The following ADCY2 variants were observed in gnomAD, a reference collection of about 807,000 sequenced individuals.
ADCY2 encodes adenylate cyclase type 2.
ADCY2 carries 31 observed loss-of-function variants against 125.2 expected under a neutral mutation model. That is an observed-to-expected ratio of 0.25 (90% CI 0.19 to 0.33). The LOEUF (loss-of-function observed/expected upper bound fraction) is 0.33. ADCY2 is among the 10% of genes least tolerant of loss of function. ADCY2 has a pLI of 1.00. For missense variants in ADCY2, 904 were observed against 1,418.2 expected (o/e 0.64, Z 5.82); for synonymous variants, 512 against 548.4 (o/e 0.93, Z 0.93).
intron 3 of ADCY2, among the ~76,000 whole-genome samples, chr5:7,588,725 GA>G (rs1736711828): frequency 6.6e-6 from 1 of 152,138 alleles, no homozygotes; most frequent in Non-Finnish European, 1.5e-5. Context: ...CATGTGTCAC[GA>G]AACATTATGT....
intron 2 of ADCY2, among the ~76,000 whole-genome samples, chr5:7,499,648 G>GATATATAT (rs70940741): frequency 0.024 from 2,815 of 118,010 alleles, 42 homozygotes; most frequent in Non-Finnish European, 0.029. Flanking sequence ...TATGTGGGTG[G>GATATATAT]ATATATATAT....
chr5:7,822,806 G>GTTA (rs1181953851), intron 24 of ADCY2, among the ~76,000 whole-genome samples: 6 of 152,064 alleles, frequency 3.9e-5, no homozygotes, highest in African/African-American at 1.4e-4. Context: ...TTTCACCCCC[G>GTTA]TTATGTTACA....
At chr5:7,438,312 A>G (rs1024037973) in intron 2 of ADCY2, among the ~76,000 whole-genome samples, 3 of 152,236 alleles carry the variant, frequency 2.0e-5, no homozygotes, top group African/African-American at 7.2e-5. Flanking sequence ...TAGAGCAGGA[A>G]ACAGAAGGAA....
intron 16 of ADCY2, among the ~76,000 whole-genome samples, chr5:7,759,275 A>C (rs1016180881): frequency 6.6e-6 from 1 of 152,194 alleles, no homozygotes; most frequent in Non-Finnish European, 1.5e-5. Context: ...AAGAAAGAAC[A>C]TGAGGCCAGC....
chr5:7,680,872 AAGG>A (rs1427388944), intron 4 of ADCY2, among the ~76,000 whole-genome samples: 1 of 152,210 alleles, frequency 6.6e-6, no homozygotes, highest in African/African-American at 2.4e-5. Context: ...TGAAGCTTAG[AAGG>A]AGGAGTCCCT....
chr5:7,826,914 G>C lies in ADCY2; in HGVS notation c.*43G>C. 1 of 1,566,004 alleles carries C rather than the reference G, an allele frequency of 6.4e-7. No homozygotes were observed. The highest frequency in any genetic ancestry group is 8.6e-7 in the Non-Finnish European group (1 of 1,158,752). On this transcript the variant is annotated 3_prime_UTR_variant, in exon 25 of 25. Transcript: ENST00000338316. ...GGCAAGAAGACTGTATTTTCAGGAA[G>C]GTATCACACACTTTCTGACTGCAAC...
At chr5:7,486,862 G>T (rs1000879577) in intron 2 of ADCY2, among the ~76,000 whole-genome samples, 3 of 152,186 alleles carry the variant, frequency 2.0e-5, no homozygotes, top group Non-Finnish European at 4.4e-5. Flanking sequence ...CAGGTCCAAG[G>T]TAGGCAAGTC....
At chr5:7,803,910 A>G (rs1167471955) in intron 21 of ADCY2, among the ~76,000 whole-genome samples, 1 of 148,880 alleles carries the variant, frequency 6.7e-6, no homozygotes, top group Non-Finnish European at 1.5e-5. Context: ...GAATATATAT[A>G]TATATATTTT....
chr5:7,551,489 G>A (rs1425513102), intron 3 of ADCY2, among the ~76,000 whole-genome samples: 4 of 152,048 alleles, frequency 2.6e-5, no homozygotes, highest in East Asian at 3.9e-4. Context: ...GTAGACACAG[G>A]CTTCCATATA....
intron 2 of ADCY2, among the ~76,000 whole-genome samples, chr5:7,481,288 A>G (rs1249837815): frequency 6.6e-6 from 1 of 152,060 alleles, no homozygotes; most frequent in Non-Finnish European, 1.5e-5. Context: ...TTCTTTTGGG[A>G]CAGAGTCTCC....
chr5:7,827,019 C>A lies in ADCY2; in HGVS notation c.*148C>A. On this transcript the variant is annotated 3_prime_UTR_variant, in exon 25 of 25. Coordinates refer to ENST00000338316, the MANE Select transcript of ADCY2 (RefSeq NM_020546.3). ...CTCGTTCTCGTGACCCAGTGGCATA[C>A]CGTTTGGTGTCTGATGTGTGCCCAG... The A allele has an allele frequency of 1.0e-6, 1 of 955,666 alleles. No individual in the cohort carries two copies. Among genetic ancestry groups the A allele is most frequent in the Non-Finnish European group, 1.5e-6 (1 of 658,280 alleles). 59.2% of individuals were successfully genotyped at this position (955,666 alleles called of 1,614,324 possible).
chr5:7,808,277 G>T (rs1744819107), intron 22 of ADCY2, among the ~76,000 whole-genome samples: 1 of 152,152 alleles, frequency 6.6e-6, no homozygotes, highest in South Asian at 2.1e-4. Flanking sequence ...ACTATAACAG[G>T]TGCTATGTGT....
At position 7,424,441 on chromosome 5, in the gene ADCY2, A is replaced by G. The variant is rs529379643; in HGVS notation, c.408+9671A>G. On this transcript the variant is annotated intron_variant, in intron 2 of 24. Coordinates refer to ENST00000338316, the MANE Select transcript of ADCY2 (RefSeq NM_020546.3). ...CAGAATTTGGACTTGGCATTCTGCCACCATCACATGGAATGTCCAGATGCC... is the reference window on the plus strand; with the variant it reads ...CAGAATTTGGACTTGGCATTCTGCCGCCATCACATGGAATGTCCAGATGCC... Among the ~76,000 whole-genome samples, 121 of 152,396 alleles carry G rather than the reference A, an allele frequency of 7.9e-4. 1 individual carries two copies. The South Asian group carries it at 0.019, about 25-fold the overall frequency.
At chr5:7,415,824 G>C (rs924693576) in intron 2 of ADCY2, among the ~76,000 whole-genome samples, 1 of 152,138 alleles carries the variant, frequency 6.6e-6, no homozygotes, top group Non-Finnish European at 1.5e-5. Context: ...GTGTTGTCTA[G>C]GGGACAGGCC....
At chr5:7,489,161 C>A (rs558961723) in intron 2 of ADCY2, among the ~76,000 whole-genome samples, 2 of 152,148 alleles carry the variant, frequency 1.3e-5, no homozygotes, top group Non-Finnish European at 2.9e-5. Flanking sequence ...TGGATACCCC[C>A]CTTTGCTGCA....
chr5:7,418,942 T>A (rs1740078054), intron 2 of ADCY2, among the ~76,000 whole-genome samples: 1 of 152,118 alleles, frequency 6.6e-6, no homozygotes, highest in Admixed American at 6.6e-5. Context: ...CGTGAGCCAC[T>A]GCACCCAGCC....
intron 12 of ADCY2, among the ~76,000 whole-genome samples, chr5:7,723,639 C>T (rs1227426657): frequency 1.3e-5 from 2 of 151,940 alleles, no homozygotes; most frequent in East Asian, 3.9e-4. Context: ...TTTAAAAACT[C>T]GGGACAGGCG....
Position 7,829,610 on chromosome 5 carries a change from T to A in ADCY2, c.*2739T>A, listed in dbSNP as rs1206960259. 2 of 152,284 alleles carry A rather than the reference T, an allele frequency of 1.3e-5. No individual in the cohort carries two copies. The highest frequency in any genetic ancestry group is 4.8e-5 in the African/African-American group (2 of 41,402). 9.4% of individuals were successfully genotyped at this position (152,284 alleles called of 1,614,324 possible). A position where few individuals can be genotyped will look rare whatever the true frequency, so the allele number is the denominator to read the frequency against. Reference sequence around the variant, plus strand: ...TAACCTTTAAGTCTTACAGGAAGCCTCTCATAGAAATTGCCTCCAGTCCAG... The same window carrying A: ...TAACCTTTAAGTCTTACAGGAAGCCACTCATAGAAATTGCCTCCAGTCCAG... On this transcript the variant is annotated 3_prime_UTR_variant, in exon 25 of 25. Coordinates refer to ENST00000338316, the MANE Select transcript of ADCY2 (RefSeq NM_020546.3).
chr5:7,596,932 A>G (rs1737025475), intron 3 of ADCY2, among the ~76,000 whole-genome samples: 1 of 152,202 alleles, frequency 6.6e-6, no homozygotes, highest in African/African-American at 2.4e-5. Context: ...CATATAAATG[A>G]TACAGCCAAG....
Sources: gnomAD v4.1 joint callset for allele counts (sites outside exome capture counted in the v4.1 genomes callset) on GRCh38, gnomAD v4.1.1 for gene constraint, MANE v1.5 for transcripts, NCBI Gene and HGNC (gene_info 2026-07-23, HGNC 2026-07-21) for gene names.